Variants in EYS observed in about 807,000 individuals in gnomAD.
EYS encodes EGF-like photoreceptor maintenance factor.
Under a neutral mutation model 282.1 loss-of-function variants are expected in EYS, and 250 were observed. That is an observed-to-expected ratio of 0.89 (90% confidence interval 0.80 to 0.98). The LOEUF is 0.98. Among genes scored for constraint, EYS ranks in the 50% least tolerant of loss-of-function variants. The probability of loss-of-function intolerance (pLI) is 0.00; values close to 1 mark genes in which losing one functional copy is unlikely to be tolerated. For missense variants in EYS, 4,016 were observed against 3,709.0 expected (o/e 1.08, Z -2.15); for synonymous variants, 1,355 against 1,282.9 (o/e 1.06, Z -1.20).
intron 33 of EYS, among the ~76,000 whole-genome samples, chr6:64,057,380 T>TTTG (rs1771020721): frequency 6.8e-6 from 1 of 146,906 alleles, no homozygotes; most frequent in Non-Finnish European, 1.5e-5. Flanking sequence ...AAAGTAAGGT[T>TTTG]TTTTTTTTTT....
At chr6:64,423,195 C>T (rs1774292427) in intron 28 of EYS, among the ~76,000 whole-genome samples, 4 of 152,104 alleles carry the variant, frequency 2.6e-5, no homozygotes, top group African/African-American at 9.7e-5. Flanking sequence ...ATTTTCTCTT[C>T]ATGGATTAAC....
At chr6:64,325,815 T>G (rs1432723122) in intron 29 of EYS, among the ~76,000 whole-genome samples, 1 of 151,964 alleles carries the variant, frequency 6.6e-6, no homozygotes, top group Non-Finnish European at 1.5e-5. Flanking sequence ...ATAAAGAAAT[T>G]CAGAGCTTGA....
At chr6:64,755,254 T>C (rs1005937568) in intron 22 of EYS, among the ~76,000 whole-genome samples, 1 of 152,060 alleles carries the variant, frequency 6.6e-6, no homozygotes, top group African/African-American at 2.4e-5. Flanking sequence ...GAAAGATCTC[T>C]ACAAGACAAA....
intron 2 of EYS, among the ~76,000 whole-genome samples, chr6:65,515,298 C>T (rs1195852461): frequency 1.3e-5 from 2 of 152,078 alleles, no homozygotes; most frequent in African/African-American, 4.8e-5. Flanking sequence ...ACAACAGGTG[C>T]TGGAGAGGAT....
chr6:64,964,085 A>C (rs955853655), intron 14 of EYS, among the ~76,000 whole-genome samples: 1 of 151,980 alleles, frequency 6.6e-6, no homozygotes, highest in Non-Finnish European at 1.5e-5. Flanking sequence ...TTTACCTTTT[A>C]TGATTATCAC....
At chr6:65,047,103 T>C (rs1773126999) in intron 13 of EYS, among the ~76,000 whole-genome samples, 1 of 151,806 alleles carries the variant, frequency 6.6e-6, no homozygotes, top group South Asian at 2.1e-4. Flanking sequence ...ACCTCTTTTT[T>C]TTTTTTTATA....
intron 2 of EYS, among the ~76,000 whole-genome samples, chr6:65,579,717 T>C (rs201542379): frequency 6.6e-6 from 1 of 152,096 alleles, no homozygotes; most frequent in Non-Finnish European, 1.5e-5. Context: ...CCCACAGTTA[T>C]AATCTCACAT....
intron 12 of EYS, among the ~76,000 whole-genome samples, chr6:65,193,948 G>A (rs1765703817): frequency 6.6e-6 from 1 of 151,752 alleles, no homozygotes; most frequent in African/African-American, 2.4e-5. Flanking sequence ...GTAAACCAAG[G>A]TTTTCAATTA....
intron 35 of EYS, among the ~76,000 whole-genome samples, chr6:63,963,418 T>C (rs1386388502): frequency 3.9e-5 from 6 of 152,152 alleles, no homozygotes; most frequent in African/African-American, 1.4e-4. Flanking sequence ...GAAATATTCA[T>C]TTAATTGCAC....
At chr6:65,531,865 A>T (rs1012916444) in intron 2 of EYS, among the ~76,000 whole-genome samples, 2 of 152,178 alleles carry the variant, frequency 1.3e-5, no homozygotes, top group Non-Finnish European at 1.5e-5. Context: ...TAATATATAG[A>T]ACATCTTGAT....
At chr6:64,387,079 C>T (rs1287868381) in intron 29 of EYS, among the ~76,000 whole-genome samples, 2 of 152,102 alleles carry the variant, frequency 1.3e-5, no homozygotes, top group Non-Finnish European at 2.9e-5. Context: ...ATCAAGTGTT[C>T]TTTCTGCTCA....
Position 63,915,051 on chromosome 6 carries a change from A to G in EYS, c.7056-50693T>C, listed in dbSNP as rs557725533. On this transcript the variant is annotated intron_variant, in intron 35 of 42. Transcript: ENST00000503581. ...TTGATGAAGGTGGCTACACTAAACA[A>G]TAGATTTTTAAATGTTGATAAAATA... Among the ~76,000 whole-genome samples the G allele has an allele frequency of 1.5e-3, 234 of 152,336 alleles. 1 individual carries two copies. The highest frequency in any genetic ancestry group is 3.7e-3 in the South Asian group (18 of 4,830).
intron 11 of EYS, among the ~76,000 whole-genome samples, chr6:65,297,951 C>G (rs547107225): frequency 6.6e-6 from 1 of 151,988 alleles, no homozygotes; most frequent in Non-Finnish European, 1.5e-5. Context: ...GTAGATTACA[C>G]GGGGCCCTAT....
At chr6:64,466,528 T>C (rs1775924687) in intron 26 of EYS, among the ~76,000 whole-genome samples, 1 of 152,104 alleles carries the variant, frequency 6.6e-6, no homozygotes, top group Non-Finnish European at 1.5e-5. Flanking sequence ...TGATCTTACT[T>C]ACATGTGGAA....
At chr6:65,258,784 T>C (rs1767539941) in intron 12 of EYS, among the ~76,000 whole-genome samples, 1 of 152,084 alleles carries the variant, frequency 6.6e-6, no homozygotes, top group Non-Finnish European at 1.5e-5. Context: ...ATCTACCATA[T>C]GTTTAAGGCT....
chr6:64,393,124 T>C (rs1207118151), intron 28 of EYS, among the ~76,000 whole-genome samples: 1 of 152,094 alleles, frequency 6.6e-6, no homozygotes, highest in East Asian at 1.9e-4. Flanking sequence ...GGATCTGAAA[T>C]TGTGGCAATA....
In EYS at chr6:64,637,743, T is replaced by C. The variant is rs186497829; in HGVS notation, c.3444-11498A>G. On this transcript the variant is annotated intron_variant, in intron 22 of 42. Transcript: ENST00000503581. ...CAAAATTCTCAATTATTATTGTCAGTGTGGGGAGGGAGCTGGGAGAGGGAG... is the reference window on the plus strand; with the variant it reads ...CAAAATTCTCAATTATTATTGTCAGCGTGGGGAGGGAGCTGGGAGAGGGAG... Among the ~76,000 whole-genome samples the C allele has an allele frequency of 2.7e-4, 24 of 88,814 alleles. 9 individuals carry two copies. The highest frequency in any genetic ancestry group is 1.0e-3 in the African/African-American group (24 of 23,222). 58.3% of individuals were successfully genotyped at this position (88,814 alleles called of 152,430 possible).
chr6:64,288,088 C>T (rs962209937), intron 30 of EYS, among the ~76,000 whole-genome samples: 4 of 152,086 alleles, frequency 2.6e-5, no homozygotes, highest in East Asian at 1.9e-4. Context: ...AATCACACTT[C>T]GAAAAGCCAG....
At chr6:64,345,051 G>A (rs1193268106) in intron 29 of EYS, among the ~76,000 whole-genome samples, 1 of 152,046 alleles carries the variant, frequency 6.6e-6, no homozygotes, top group East Asian at 1.9e-4. Flanking sequence ...AATCAAAGAG[G>A]ATACAAACAA....
Sources: gnomAD v4.1 joint callset for allele counts (sites outside exome capture counted in the v4.1 genomes callset) on GRCh38, gnomAD v4.1.1 for gene constraint, MANE v1.5 for transcripts, NCBI Gene and HGNC (gene_info 2026-07-23, HGNC 2026-07-21) for gene names.